KIF16B: variants seen among roughly 807,000 people sequenced by gnomAD.
KIF16B encodes the protein kinesin-like protein KIF16B.
Under a neutral mutation model 156.3 loss-of-function variants are expected in KIF16B, and 98 were observed. The ratio of observed to expected loss-of-function variants is 0.63; its 90% CI spans 0.53 to 0.74. The LOEUF is 0.74. KIF16B is among the 30% of genes least tolerant of loss of function. KIF16B has a pLI of 0.00. For synonymous variants in KIF16B, 564 were observed against 583.7 expected, an observed-to-expected ratio of 0.97 and a Z score of 0.49; for missense variants, 1,421 against 1,606.5, an observed-to-expected ratio of 0.88 and a Z score of 1.97.
At chr20:16,301,561 A>G (rs1026186065) in intron 25 of KIF16B, among the ~76,000 whole-genome samples, 12 of 151,910 alleles carry the variant, frequency 7.9e-5, no homozygotes, top group African/African-American at 2.7e-4. Context: ...TTCATTTCCA[A>G]TTTCCTAATG....
At chr20:16,515,386 C>G (rs2069110643) in intron 4 of KIF16B, among the ~76,000 whole-genome samples, 162 bp downstream of exon 4, 1 of 152,154 alleles carries the variant, frequency 6.6e-6, no homozygotes. Context: ...TAAAATCTCT[C>G]AAAGGAAATT....
intron 1 of KIF16B, among the ~76,000 whole-genome samples, chr20:16,570,850 A>G (rs2071425746): frequency 1.3e-5 from 2 of 152,164 alleles, no homozygotes; most frequent in South Asian, 4.1e-4. Context: ...AAAGAGGGGC[A>G]TATCCCAATG....
intron 15 of KIF16B, among the ~76,000 whole-genome samples, chr20:16,411,891 C>CT (rs1015704590): frequency 6.7e-6 from 1 of 149,620 alleles, no homozygotes; most frequent in African/African-American, 2.5e-5. Context: ...CCCTCAAAAA[C>CT]TTTTGGACAT....
chr20:16,333,917 G>A (rs1233264268), intron 24 of KIF16B, among the ~76,000 whole-genome samples: 2 of 152,060 alleles, frequency 1.3e-5, no homozygotes, highest in South Asian at 4.2e-4. Flanking sequence ...TTCATATAAG[G>A]CATGTAACTC....
chr20:16,390,280 A>T (rs1281036477), intron 17 of KIF16B, among the ~76,000 whole-genome samples: 1 of 152,206 alleles, frequency 6.6e-6, no homozygotes, highest in African/African-American at 2.4e-5. Flanking sequence ...TTGGTTTTTT[A>T]AAAAATAATA....
rs189485310 is a variant in KIF16B at position 16,318,331 on chromosome 20, C to T, written c.3712-5913G>A. On this transcript the variant is annotated intron_variant, in intron 24 of 25. Coordinates refer to ENST00000354981, the MANE Select transcript of KIF16B (RefSeq NM_024704.5). ...GAGGAATTCAGAGAATAAATAGTCA[C>T]GTAGGAACCATAAAATCCATCTCTA... 1.1e-3 allele frequency among the ~76,000 whole-genome samples: 175 copies of T among 152,178 alleles called. No individual in the cohort carries two copies. The Middle Eastern group carries it at 0.02, about 18-fold the overall frequency.
chr20:16,304,823 C>T (rs1333428940), intron 25 of KIF16B, among the ~76,000 whole-genome samples: 1 of 152,100 alleles, frequency 6.6e-6, no homozygotes, highest in African/African-American at 2.4e-5. Flanking sequence ...ATAAAAATGT[C>T]TAAACCAAAT....
rs1181317409 is a variant in KIF16B at position 16,435,494 on chromosome 20, A to T, written c.1303-5512T>A. 3.3e-5 allele frequency among the ~76,000 whole-genome samples: 5 copies of T among 152,206 alleles called. No individual in the cohort carries two copies. In the East Asian group the frequency reaches 9.6e-4, roughly 29 times the overall value. On this transcript the variant is annotated intron_variant, in intron 12 of 25. Coordinates refer to ENST00000354981, the MANE Select transcript of KIF16B (RefSeq NM_024704.5). ...CAATGGCTTAATTAGGATAGATCTC[A>T]GTGTTGAACATCCTCTACTCTATAT...
At chr20:16,477,237 G>A (rs1263816203) in intron 12 of KIF16B, among the ~76,000 whole-genome samples, 1 of 144,708 alleles carries the variant, frequency 6.9e-6, no homozygotes, top group Non-Finnish European at 1.5e-5. Flanking sequence ...GGAAGACAGT[G>A]AGGAGTTTAG....
rs148905977 is a variant in KIF16B at position 16,325,637 on chromosome 20, A to G, written c.3711+10289T>C. Among the ~76,000 whole-genome samples, 391 of 152,236 alleles carry G rather than the reference A, an allele frequency of 2.6e-3. 3 individuals carry two copies. Among genetic ancestry groups the G allele is most frequent in the African/African-American group, 8.9e-3 (370 of 41,560 alleles). ...AAAACTACAAAACACTGCTGAAAGA[A>G]ATTATAGATGACACAAACAAATGGA... On this transcript the variant is annotated intron_variant, in intron 24 of 25. Coordinates refer to ENST00000354981, the MANE Select transcript of KIF16B (RefSeq NM_024704.5).
intron 15 of KIF16B, among the ~76,000 whole-genome samples, chr20:16,420,322 A>G (rs941881924): frequency 4.0e-4 from 61 of 152,282 alleles, no homozygotes; most frequent in African/African-American, 1.4e-3. Flanking sequence ...TTTGCCCTCA[A>G]TGTTGACAAT....
chr20:16,573,326 G>T lies in KIF16B; in HGVS notation c.-51C>A. ...GGGTCCCACTAGCCCAGAACTCCGC[G>T]GTCGCCGGCGACGCTGGCTACTCAG... On this transcript the variant is annotated 5_prime_UTR_variant, in exon 1 of 26. Transcript: ENST00000354981. 6.3e-7 allele frequency: 1 copy of T among 1,595,384 alleles called. No individual in the cohort carries two copies. The highest frequency in any genetic ancestry group is 1.1e-5 in the South Asian group (1 of 88,818).
At chr20:16,278,270 A>G (rs2063094305) in intron 25 of KIF16B, among the ~76,000 whole-genome samples, 1 of 152,156 alleles carries the variant, frequency 6.6e-6, no homozygotes, top group Admixed American at 6.5e-5. Context: ...AAAGAGGTGG[A>G]AATGAAAAGG....
In KIF16B at chr20:16,312,228, T is replaced by A. The variant is rs1377141036; in HGVS notation, c.3795+107A>T. On this transcript the variant is annotated intron_variant, in intron 25 of 25. Coordinates refer to ENST00000354981, the MANE Select transcript of KIF16B (RefSeq NM_024704.5). ...CATCTCCTGTGTTAATGAGGCAGCA[T>A]CTTCACACTTGTGAAGAAATTTAAT... is the stretch of plus-strand genomic sequence containing the variant. 4 of 729,616 alleles carry A rather than the reference T, an allele frequency of 5.5e-6. No individual in the cohort carries two copies. In the East Asian group the frequency reaches 8.2e-5, roughly 15 times the overall value. The allele number at this position is 729,616 out of a possible 1,614,324, so 45.2% of individuals were successfully genotyped here.
intron 3 of KIF16B, among the ~76,000 whole-genome samples, chr20:16,520,720 G>A (rs1422968394): frequency 6.6e-6 from 1 of 152,192 alleles, no homozygotes; most frequent in Non-Finnish European, 1.5e-5. Context: ...CCTGACCCCT[G>A]TGCCTCCTGA....
chr20:16,508,869 C>T (rs575698879), intron 6 of KIF16B, among the ~76,000 whole-genome samples: 1 of 152,148 alleles, frequency 6.6e-6, no homozygotes, highest in African/African-American at 2.4e-5. Context: ...ATCATTTTAA[C>T]AAATTATTTT....
intron 1 of KIF16B, among the ~76,000 whole-genome samples, chr20:16,533,956 T>A (rs909824370): frequency 6.6e-6 from 1 of 150,926 alleles, no homozygotes; most frequent in African/African-American, 2.4e-5. Flanking sequence ...TAAAAAAAAA[T>A]AAAAAATAAA....
chr20:16,342,773 C>A (rs1288967988), intron 23 of KIF16B, among the ~76,000 whole-genome samples: 1 of 152,192 alleles, frequency 6.6e-6, no homozygotes, highest in South Asian at 2.1e-4. Flanking sequence ...TGTTTATCAA[C>A]ACGCAAACAA....
intron 6 of KIF16B, 23 bp from the exon 7 acceptor site, chr20:16,508,123 T>C (rs745920714): frequency 6.2e-7 from 1 of 1,611,378 alleles, no homozygotes; most frequent in South Asian, 1.1e-5. Context: ...ATGGAAGGGG[T>C]GAAGAAATCC....
Sources: allele counts gnomAD v4.1 joint callset (sites outside exome capture counted in the v4.1 genomes callset), GRCh38; gene constraint gnomAD v4.1.1; transcripts MANE v1.5; gene names NCBI Gene and HGNC (gene_info 2026-07-23, HGNC 2026-07-21).